Variants in LPCAT1 observed in about 807,000 individuals in gnomAD.
LPCAT1 encodes lysophosphatidylcholine acyltransferase 1.
A neutral mutation model predicts 60.9 loss-of-function variants in LPCAT1; 23 were observed. That is an observed-to-expected ratio of 0.38 (90% confidence interval 0.27 to 0.53). LPCAT1 has a LOEUF of 0.53. Among genes scored for constraint, LPCAT1 ranks in the 20% least tolerant of loss-of-function variants. The pLI is 0.82. For synonymous variants in LPCAT1, 340 were observed against 301.1 expected (o/e 1.13, Z -1.34); for missense variants, 622 against 723.6 (o/e 0.86, Z 1.61).
intron 9 of LPCAT1, among the ~76,000 whole-genome samples, chr5:1,475,609 C>T (rs1419549505): frequency 1.3e-5 from 2 of 152,274 alleles, no homozygotes; most frequent in Admixed American, 6.5e-5. Context: ...GTGCCACCAT[C>T]CTTGCAGCGG....
At chr5:1,501,332 C>T (rs975806575) in intron 2 of LPCAT1, 129 bp downstream of exon 2, 22 of 1,305,470 alleles carry the variant, frequency 1.7e-5, no homozygotes, top group South Asian at 4.3e-5. Flanking sequence ...CCCTGGTGGA[C>T]GCTGGGCTCA....
chr5:1,486,246 G>A (rs994715126), intron 5 of LPCAT1, among the ~76,000 whole-genome samples: 2 of 152,186 alleles, frequency 1.3e-5, no homozygotes, highest in African/African-American at 4.8e-5. Context: ...AGACCCCACA[G>A]GGCTCTGCTG....
Position 1,480,448 on chromosome 5 carries a change from C to T in LPCAT1, c.761+494G>A, listed in dbSNP as rs1056225696. 4.1e-4 allele frequency: 351 copies of T among 850,810 alleles called. No individual in the cohort carries two copies. Among genetic ancestry groups the T allele is most frequent in the Non-Finnish European group, 4.6e-4 (327 of 707,238 alleles). 52.7% of individuals were successfully genotyped at this position (850,810 alleles called of 1,614,324 possible). On this transcript the variant is annotated intron_variant, in intron 7 of 13. Coordinates refer to ENST00000283415, the MANE Select transcript of LPCAT1 (RefSeq NM_024830.5). This position sits in a 1 kb window ranked among gnomAD's most constrained non-coding sequence, Gnocchi z 6.4. ...GGAGGCCCTGACCAGCCTGTGGCCCCGGGCTTCTCCTCTGGGGCTCGTTCC... is the reference window on the plus strand; with the variant it reads ...GGAGGCCCTGACCAGCCTGTGGCCCTGGGCTTCTCCTCTGGGGCTCGTTCC...
Position 1,505,749 on chromosome 5 carries a change from T to C in LPCAT1, c.136-4146A>G, listed in dbSNP as rs57773857. On this transcript the variant is annotated intron_variant, in intron 1 of 13. Coordinates refer to ENST00000283415, the MANE Select transcript of LPCAT1 (RefSeq NM_024830.5). Reference sequence around the variant, plus strand: ...ATTCCTGCACCTACTCCTTCGTGCATGGGTTAGACTGCATGACCACCTGAC... The same window carrying C: ...ATTCCTGCACCTACTCCTTCGTGCACGGGTTAGACTGCATGACCACCTGAC... Among the ~76,000 whole-genome samples, 178 of 152,298 alleles carry C rather than the reference T, an allele frequency of 1.2e-3. 2 individuals are homozygous for C. The South Asian group carries it at 0.023, about 20-fold the overall frequency.
intron 1 of LPCAT1, among the ~76,000 whole-genome samples, chr5:1,506,931 G>A (rs1736204295): frequency 6.6e-6 from 1 of 152,216 alleles, no homozygotes; most frequent in South Asian, 2.1e-4. Context: ...TGGCTCAGAG[G>A]CTTCCACAGA....
rs1311337289 is a variant in LPCAT1 at position 1,506,204 on chromosome 5, G to A, written c.136-4601C>T. Among the ~76,000 whole-genome samples the A allele has an allele frequency of 5.9e-5, 9 of 152,190 alleles. No homozygotes were observed. The East Asian group carries it at 1.5e-3, about 26-fold the overall frequency. On this transcript the variant is annotated intron_variant, in intron 1 of 13. Coordinates refer to ENST00000283415, the MANE Select transcript of LPCAT1 (RefSeq NM_024830.5). The stretch of plus-strand genomic sequence containing the variant: ...TGCTGTGAAAACTGCTTGGAGAGGG[G>A]GCCTCTGGGAGCCCCAGGCAGGAGG...
At chr5:1,464,745 CACACA>C (rs1734265011) in intron 13 of LPCAT1, among the ~76,000 whole-genome samples, 1 of 143,250 alleles carries the variant, frequency 7.0e-6, no homozygotes, top group South Asian at 2.2e-4. Flanking sequence ...CGCAGACACA[CACACA>C]CAAAACAAGC....
In LPCAT1 at chr5:1,470,855, T is replaced by C. The variant is rs1348053215; in HGVS notation, c.1249A>G (p.Thr417Ala). 6.2e-7 allele frequency: 1 copy of C among 1,613,584 alleles called. No individual in the cohort carries two copies. The highest frequency in any genetic ancestry group is 2.2e-5 in the East Asian group (1 of 44,874). Reference protein sequence around the residue: ...ALSVVCRPARTLDTIQLAFKM... With the variant: ...ALSVVCRPARALDTIQLAFKM... ...AAAGCCAGCTGGATGGTGTCCAGGG[T>C]CCGGGCCGGCCGGCAGACGACAGAC... Residue 417 changes from threonine to alanine, a missense_variant, in exon 12 of 14, where the codon ACC becomes GCC. By Grantham distance (58) the Thr-to-Ala change is moderately conservative. Transcript: ENST00000283415.
chr5:1,467,124 G>A, intron 12 of LPCAT1: 1 of 403,360 alleles, frequency 2.5e-6, no homozygotes, highest in South Asian at 1.4e-4. Context: ...TGCTTCTCGG[G>A]CAAGGGCTCA....
chr5:1,490,503 G>A lies in LPCAT1; in HGVS notation c.494-645C>T, dbSNP rs561517488. Among the ~76,000 whole-genome samples, 9 of 152,298 alleles carry A rather than the reference G, an allele frequency of 5.9e-5. No homozygotes were observed. In the East Asian group the frequency reaches 1.5e-3, roughly 26 times the overall value. ...GTGGCCACAGCCCCCACCACGAGCC[G>A]GGAGGGCCGAGGGAGCTTTCAGAAG... On this transcript the variant is annotated intron_variant, in intron 3 of 13. Transcript: ENST00000283415.
At chr5:1,499,053 G>A (rs1735912667) in intron 2 of LPCAT1, among the ~76,000 whole-genome samples, 1 of 152,186 alleles carries the variant, frequency 6.6e-6, no homozygotes, top group Admixed American at 6.5e-5. Context: ...ACTGTCACGG[G>A]ACACTTCACA....
At chr5:1,482,476 G>A (rs1332671514) in intron 6 of LPCAT1, among the ~76,000 whole-genome samples, 1 of 41,310 alleles carries the variant, frequency 2.4e-5, no homozygotes, top group African/African-American at 1.3e-4. Context: ...GGGGTGGGGC[G>A]GGGCAGAGCC....
Position 1,493,631 on chromosome 5 carries a change from A to G in LPCAT1, c.493+1069T>C, listed in dbSNP as rs574626842. 4.7e-4 allele frequency among the ~76,000 whole-genome samples: 72 copies of G among 152,282 alleles called. No individual in the cohort carries two copies. In the East Asian group the frequency reaches 8.7e-3, roughly 18 times the overall value. Reference sequence around the variant, plus strand: ...CTGTGCTGTGCTGATGGCGGCTGTGAAGGAAGCACGAGGACAGAACGGGCC... The same window carrying G: ...CTGTGCTGTGCTGATGGCGGCTGTGGAGGAAGCACGAGGACAGAACGGGCC... On this transcript the variant is annotated intron_variant, in intron 3 of 13. Transcript: ENST00000283415.
chr5:1,467,492 G>C (rs1734468795), intron 12 of LPCAT1, among the ~76,000 whole-genome samples: 2 of 152,070 alleles, frequency 1.3e-5, no homozygotes, highest in East Asian at 3.9e-4. Flanking sequence ...CTCCAGGTGT[G>C]GAAGCGGCGG....
chr5:1,485,147 T>C (rs559899044), intron 5 of LPCAT1, among the ~76,000 whole-genome samples: 7 of 152,274 alleles, frequency 4.6e-5, no homozygotes, highest in African/African-American at 1.4e-4. Flanking sequence ...CCCGACCATG[T>C]GTCAAGGGGA....
At position 1,501,427 on chromosome 5, in the gene LPCAT1, C is replaced by CG. The variant is rs542603212; in HGVS notation, c.278+33_278+34insC. The CG allele has an allele frequency of 1.8e-4, 277 of 1,580,166 alleles. 4 individuals carry two copies. The South Asian group carries it at 3.0e-3, about 17-fold the overall frequency. ...CCACTGTTTGGCCGCGTGACCCCCC[C>CG]CCAGGAGGAGAGCACGGCACACGCG... On this transcript the variant is annotated intron_variant, in intron 2 of 13. Coordinates refer to ENST00000283415, the MANE Select transcript of LPCAT1 (RefSeq NM_024830.5).
intron 1 of LPCAT1, among the ~76,000 whole-genome samples, chr5:1,511,245 C>G (rs986034047): frequency 6.6e-6 from 1 of 152,212 alleles, no homozygotes; most frequent in East Asian, 1.9e-4. Flanking sequence ...GTTGGCTCTG[C>G]GGGGTTGACC....
intron 1 of LPCAT1, among the ~76,000 whole-genome samples, chr5:1,508,942 G>C (rs1379838384): frequency 6.6e-6 from 1 of 152,262 alleles, no homozygotes; most frequent in African/African-American, 2.4e-5. Flanking sequence ...TCAAAGACAC[G>C]AGGTTGCCAG....
At chr5:1,504,016 C>T (rs1384134539) in intron 1 of LPCAT1, among the ~76,000 whole-genome samples, 1 of 152,264 alleles carries the variant, frequency 6.6e-6, no homozygotes, top group African/African-American at 2.4e-5. Context: ...TTCATTCTCT[C>T]TGTTGTGACC....
Sources: allele counts gnomAD v4.1 joint callset (sites outside exome capture counted in the v4.1 genomes callset), GRCh38; gene constraint gnomAD v4.1.1; non-coding constraint Gnocchi (gnomAD v3.1); transcripts MANE v1.5; gene names NCBI Gene and HGNC (gene_info 2026-07-23, HGNC 2026-07-21).